The following GABRB1 variants were observed in gnomAD, a reference collection of about 807,000 sequenced individuals.
GABRB1 encodes the protein gamma-aminobutyric acid type A receptor subunit beta1.
GABRB1 carries 17 observed loss-of-function variants against 51.6 expected under a neutral mutation model. The ratio of observed to expected loss-of-function variants is 0.33; its 90% confidence interval spans 0.23 to 0.49. The LOEUF (loss-of-function observed/expected upper bound fraction) is 0.49. GABRB1 is among the 20% of genes least tolerant of loss of function. The pLI, the probability that GABRB1 is intolerant of heterozygous loss-of-function variation, is 0.99. For missense variants in GABRB1, 410 were observed against 600.6 expected, an observed-to-expected ratio of 0.68 and a Z score of 3.32; for synonymous variants, 247 against 218.9, an observed-to-expected ratio of 1.13 and a Z score of -1.14.
intron 5 of GABRB1, among the ~76,000 whole-genome samples, chr4:47,329,011 A>G (rs1725361113): frequency 6.6e-6 from 1 of 152,182 alleles, no homozygotes; most frequent in Non-Finnish European, 1.5e-5. Context: ...GGTTTGCAGA[A>G]TTGAAATATT....
At chr4:47,231,445 C>A (rs372667471) in intron 4 of GABRB1, among the ~76,000 whole-genome samples, 8 of 152,188 alleles carry the variant, frequency 5.3e-5, no homozygotes, top group African/African-American at 9.6e-5. Flanking sequence ...ATCCATGGCT[C>A]AATCACTAAA....
intron 5 of GABRB1, among the ~76,000 whole-genome samples, chr4:47,351,258 G>A (rs527483702): frequency 1.3e-4 from 20 of 152,206 alleles, no homozygotes; most frequent in Middle Eastern, 3.4e-3. Context: ...AAAAAATGTA[G>A]CCTCCTTCAT....
At chr4:47,126,055 A>ATTGTATG (rs1366474238) in intron 3 of GABRB1, among the ~76,000 whole-genome samples, 1 of 151,760 alleles carries the variant, frequency 6.6e-6, no homozygotes, top group Non-Finnish European at 1.5e-5. Context: ...TGTGTATTGC[A>ATTGTATG]TTGTATGTGT....
In GABRB1 at chr4:47,339,823, G is replaced by GCACACACACACACACACGCACACACA. The variant is rs1553876429; in HGVS notation, c.544+19631_544+19632insGCACACACACACACACACACACACAC. Among the ~76,000 whole-genome samples, 283 of 141,966 alleles carry GCACACACACACACACACGCACACACA rather than the reference G, an allele frequency of 2.0e-3. 1 individual carries two copies. Among genetic ancestry groups the GCACACACACACACACACGCACACACA allele is most frequent in the African/African-American group, 7.2e-3 (281 of 38,852 alleles). The allele number at this position is 141,966 out of a possible 152,430, so 93.1% of individuals were successfully genotyped here. A position where few individuals can be genotyped will look rare whatever the true frequency, so the allele number is the denominator to read the frequency against. On this transcript the variant is annotated intron_variant, in intron 5 of 8. Coordinates refer to ENST00000295454, the MANE Select transcript of GABRB1 (RefSeq NM_000812.4). ...TTTCATAGAGCAAAAATAAATAAAT[G>GCACACACACACACACACGCACACACA]CACACACACACACACACACACACAC...
intron 8 of GABRB1, among the ~76,000 whole-genome samples, chr4:47,418,350 A>G (rs1728992655): frequency 6.6e-6 from 1 of 152,240 alleles, no homozygotes; most frequent in Non-Finnish European, 1.5e-5. Context: ...TGAAATCTGC[A>G]GGGCTTGCTG....
intron 4 of GABRB1, among the ~76,000 whole-genome samples, chr4:47,243,689 G>A (rs1318895376): frequency 6.6e-6 from 1 of 152,114 alleles, no homozygotes; most frequent in Non-Finnish European, 1.5e-5. Flanking sequence ...CTCTCTATCT[G>A]TTATTGGTGT....
At chr4:47,063,634 A>C in intron 3 of GABRB1, among the ~76,000 whole-genome samples, 1 of 152,204 alleles carries the variant, frequency 6.6e-6, no homozygotes, top group East Asian at 1.9e-4. Flanking sequence ...AAACAGCAGA[A>C]AATAACCAAT....
chr4:47,257,460 G>T (rs536672894), intron 4 of GABRB1, among the ~76,000 whole-genome samples: 1 of 151,748 alleles, frequency 6.6e-6, no homozygotes, highest in South Asian at 2.1e-4. Flanking sequence ...ATTACTCAAA[G>T]ATTACAGCTA....
intron 4 of GABRB1, among the ~76,000 whole-genome samples, chr4:47,278,178 T>A (rs1204726183): frequency 6.6e-6 from 1 of 152,192 alleles, no homozygotes; most frequent in Non-Finnish European, 1.5e-5. Context: ...GTAGCACATA[T>A]CTTTTACTAG....
At chr4:47,194,424 T>C (rs1280623239) in intron 4 of GABRB1, among the ~76,000 whole-genome samples, 3 of 152,214 alleles carry the variant, frequency 2.0e-5, no homozygotes, top group African/African-American at 7.2e-5. Flanking sequence ...ATTTCTCTTA[T>C]GAAAATGAGG....
chr4:47,130,619 G>C (rs1433676127), intron 3 of GABRB1, among the ~76,000 whole-genome samples: 2 of 151,946 alleles, frequency 1.3e-5, no homozygotes, highest in African/African-American at 4.8e-5. Flanking sequence ...CTTTTACAGA[G>C]GAATAGTACC....
At chr4:47,228,286 C>A (rs186518626) in intron 4 of GABRB1, among the ~76,000 whole-genome samples, 101 of 152,086 alleles carry the variant, frequency 6.6e-4, no homozygotes, top group African/African-American at 2.4e-3. Context: ...TCTGTGAAAC[C>A]AGATGAATTA....
At chr4:47,370,538 A>T (rs1462457021) in intron 5 of GABRB1, among the ~76,000 whole-genome samples, 1 of 152,146 alleles carries the variant, frequency 6.6e-6, no homozygotes, top group Non-Finnish European at 1.5e-5. Flanking sequence ...GCTTTAGGCA[A>T]CACGCAGAAT....
intron 4 of GABRB1, among the ~76,000 whole-genome samples, chr4:47,284,509 G>A (rs916201658): frequency 3.3e-5 from 5 of 152,280 alleles, no homozygotes; most frequent in East Asian, 3.9e-4. Context: ...ACAAGAATAT[G>A]TCCATTTTAT....
intron 5 of GABRB1, among the ~76,000 whole-genome samples, chr4:47,363,021 T>A (rs1221842954): frequency 8.8e-6 from 1 of 114,216 alleles, no homozygotes; most frequent in Non-Finnish European, 2.1e-5. Flanking sequence ...TGTCTAAGCG[T>A]GTGTGTGTGT....
chr4:47,246,441 GGGTT>G (rs1721764998), intron 4 of GABRB1, among the ~76,000 whole-genome samples: 1 of 116,234 alleles, frequency 8.6e-6, no homozygotes, highest in Admixed American at 9.0e-5. Context: ...ATGGGAATTT[GGGTT>G]GGTTCCACTA....
intron 3 of GABRB1, among the ~76,000 whole-genome samples, chr4:47,146,752 C>T (rs1271391495): frequency 6.6e-6 from 1 of 151,906 alleles, no homozygotes; most frequent in Non-Finnish European, 1.5e-5. Flanking sequence ...TTTTGTCTTG[C>T]CAAAGATATA....
intron 4 of GABRB1, among the ~76,000 whole-genome samples, chr4:47,243,811 T>C (rs28869812): frequency 0.34 from 52,392 of 152,038 alleles, 9,356 homozygotes; most frequent in African/African-American, 0.38. Context: ...TCTAAATCTA[T>C]AATCATGTCA....
chr4:47,078,477 A>C (rs539023218), intron 3 of GABRB1, among the ~76,000 whole-genome samples: 2 of 152,298 alleles, frequency 1.3e-5, no homozygotes, highest in South Asian at 4.1e-4. Context: ...AGCTTAATTT[A>C]AATTATTTCT....
Sources: allele counts gnomAD v4.1 joint callset (sites outside exome capture counted in the v4.1 genomes callset), GRCh38; gene constraint gnomAD v4.1.1; transcripts MANE v1.5; gene names NCBI Gene and HGNC (gene_info 2026-07-23, HGNC 2026-07-21).